Variants in DIP2B observed in about 807,000 individuals in gnomAD.
The protein encoded by DIP2B is disco-interacting protein 2 homolog B.
A neutral mutation model predicts 198.0 loss-of-function variants in DIP2B; 76 were observed. The observed-to-expected ratio is 0.38, with a 90% CI of 0.32 to 0.46. The LOEUF is 0.46. Among genes scored for constraint, DIP2B ranks in the 20% least tolerant of loss-of-function variants. The pLI, the probability that DIP2B is intolerant of heterozygous loss-of-function variation, is 0.99. For missense variants in DIP2B, 1,559 were observed against 1,978.4 expected (o/e 0.79, Z 4.02); for synonymous variants, 701 against 739.1 (o/e 0.95, Z 0.84).
At chr12:50,530,118 C>T (rs1958202705) in intron 1 of DIP2B, among the ~76,000 whole-genome samples, 2 of 152,044 alleles carry the variant, frequency 1.3e-5, no homozygotes. Flanking sequence ...TCTCTGTCGC[C>T]CAGGCTGGAG....
intron 1 of DIP2B, among the ~76,000 whole-genome samples, chr12:50,587,875 A>G (rs1158827788): frequency 6.6e-6 from 1 of 152,240 alleles, no homozygotes; most frequent in Non-Finnish European, 1.5e-5. Context: ...GTCCCAGAGA[A>G]TAAAAGGACA....
At chr12:50,659,370 AGTTT>A (rs1396972584) in intron 3 of DIP2B, among the ~76,000 whole-genome samples, 7 of 152,144 alleles carry the variant, frequency 4.6e-5, no homozygotes, top group East Asian at 3.9e-4. Context: ...ATGGAAGGAT[AGTTT>A]GTTTGTGGAT....
chr12:50,671,141 G>T, intron 4 of DIP2B, 45 bp from the exon 5 acceptor site: 3 of 1,596,112 alleles, frequency 1.9e-6, no homozygotes, highest in Non-Finnish European at 2.6e-6. Flanking sequence ...AAAAGTCTCT[G>T]TTCTAGGTAG....
At chr12:50,730,786 C>T (rs1410555820) in intron 30 of DIP2B, among the ~76,000 whole-genome samples, 2 of 152,036 alleles carry the variant, frequency 1.3e-5, no homozygotes, top group Admixed American at 1.3e-4. Context: ...ACTACCGTCC[C>T]CACTTCTTCT....
chr12:50,737,671 C>T (rs895694459), intron 35 of DIP2B, among the ~76,000 whole-genome samples: 1 of 151,862 alleles, frequency 6.6e-6, no homozygotes, highest in Admixed American at 6.6e-5. Context: ...CTGCAACCTC[C>T]GCCTCCCGGG....
At chr12:50,529,232 C>T (rs886101592) in intron 1 of DIP2B, among the ~76,000 whole-genome samples, 2 of 152,072 alleles carry the variant, frequency 1.3e-5, no homozygotes, top group Non-Finnish European at 1.5e-5. Context: ...ATGGAGGCTC[C>T]GGGAGCTGTG....
chr12:50,739,172 T>C (rs1940191611), intron 35 of DIP2B, among the ~76,000 whole-genome samples: 1 of 152,244 alleles, frequency 6.6e-6, no homozygotes, highest in Non-Finnish European at 1.5e-5. Flanking sequence ...CTCCTTGTTT[T>C]TTCATCCGTA....
At chr12:50,545,682 T>C (rs1958370963) in intron 1 of DIP2B, among the ~76,000 whole-genome samples, 2 of 151,572 alleles carry the variant, frequency 1.3e-5, no homozygotes, top group South Asian at 4.2e-4. Flanking sequence ...GACTTTTTTT[T>C]TTTTTTTTCA....
intron 1 of DIP2B, among the ~76,000 whole-genome samples, chr12:50,619,527 T>C (rs1937764396): frequency 6.6e-6 from 1 of 152,208 alleles, no homozygotes; most frequent in Admixed American, 6.5e-5. Context: ...TGCTTCCTTC[T>C]GGGTTCCAGA....
At chr12:50,694,331 A>G (rs1014465554) in intron 14 of DIP2B, among the ~76,000 whole-genome samples, 3 of 152,172 alleles carry the variant, frequency 2.0e-5, no homozygotes, top group East Asian at 1.9e-4. Context: ...TCCCAACTCT[A>G]CTAACAATAC....
At chr12:50,565,257 A>T (rs539187922) in intron 1 of DIP2B, among the ~76,000 whole-genome samples, 1 of 151,898 alleles carries the variant, frequency 6.6e-6, no homozygotes, top group African/African-American at 2.4e-5. Flanking sequence ...TCAGCCTCCC[A>T]AAGTGCTGGG....
chr12:50,738,423 A>G (rs1237568743), intron 35 of DIP2B, among the ~76,000 whole-genome samples: 1 of 152,124 alleles, frequency 6.6e-6, no homozygotes, highest in African/African-American at 2.4e-5. Flanking sequence ...AGGCCACTCC[A>G]CTTTGAGGCC....
rs376156459 is a variant in DIP2B at position 50,717,662 on chromosome 12, T to C, written c.2852-1047T>C. 2.1e-3 allele frequency among the ~76,000 whole-genome samples: 322 copies of C among 150,670 alleles called. 1 individual carries two copies. The highest frequency in any genetic ancestry group is 6.9e-3 in the Middle Eastern group (2 of 290). ...GATTATAGGCGTGAGCCACCACGCCTGGCCTGCAGCTTTGAACTCTGGCAC... is the reference window on the plus strand; with the variant it reads ...GATTATAGGCGTGAGCCACCACGCCCGGCCTGCAGCTTTGAACTCTGGCAC... On this transcript the variant is annotated intron_variant, in intron 23 of 37. Coordinates refer to ENST00000301180, the MANE Select transcript of DIP2B (RefSeq NM_173602.3).
chr12:50,545,285 A>G (rs1291490317), intron 1 of DIP2B, among the ~76,000 whole-genome samples: 1 of 151,862 alleles, frequency 6.6e-6, no homozygotes, highest in Non-Finnish European at 1.5e-5. Flanking sequence ...TCCTGTACTT[A>G]CCAATACTTG....
intron 20 of DIP2B, among the ~76,000 whole-genome samples, chr12:50,704,660 A>C (rs1043721490): frequency 1.3e-5 from 2 of 152,186 alleles, no homozygotes; most frequent in Non-Finnish European, 2.9e-5. Flanking sequence ...TGTAATAGTG[A>C]TCCTTTGAGT....
intron 34 of DIP2B, 107 bp downstream of exon 34, chr12:50,735,237 T>G: frequency 7.9e-7 from 1 of 1,259,104 alleles, no homozygotes; most frequent in Non-Finnish European, 1.1e-6. Context: ...CAAGCCTTAA[T>G]TGAAATCTGG....
At chr12:50,511,392 A>G (rs919237728) in intron 1 of DIP2B, among the ~76,000 whole-genome samples, 19 of 138,472 alleles carry the variant, frequency 1.4e-4, no homozygotes, top group Admixed American at 2.5e-4. Flanking sequence ...TCCGGGCTCA[A>G]GCGATTCTCC....
chr12:50,701,610 CT>C, intron 19 of DIP2B, among the ~76,000 whole-genome samples: 1 of 151,988 alleles, frequency 6.6e-6, no homozygotes, highest in Non-Finnish European at 1.5e-5. Context: ...TCTTGAACTC[CT>C]GACCTCAGGT....
At chr12:50,602,277 A>AT (rs968382045) in intron 1 of DIP2B, among the ~76,000 whole-genome samples, 2 of 151,388 alleles carry the variant, frequency 1.3e-5, no homozygotes, top group African/African-American at 2.4e-5. Flanking sequence ...ATCTAAATTA[A>AT]TTTTTTTTTG....
Sources: gnomAD v4.1 joint callset for allele counts (sites outside exome capture counted in the v4.1 genomes callset) on GRCh38, gnomAD v4.1.1 for gene constraint, MANE v1.5 for transcripts, NCBI Gene and HGNC (gene_info 2026-07-23, HGNC 2026-07-21) for gene names.